CBFA2T3: variants seen among roughly 807,000 people sequenced by gnomAD.
CBFA2T3 encodes the protein transcriptional corepressor CBFA2T3.
A neutral mutation model predicts 58.6 loss-of-function variants in CBFA2T3; 31 were observed. That is an observed-to-expected ratio of 0.53 (90% CI 0.40 to 0.71). The LOEUF (loss-of-function observed/expected upper bound fraction) is 0.71. Among genes scored for constraint, CBFA2T3 ranks in the 30% least tolerant of loss-of-function variants. The probability of loss-of-function intolerance (pLI) is 0.00; values close to 1 mark genes in which losing one functional copy is unlikely to be tolerated. For synonymous variants in CBFA2T3, 531 were observed against 421.9 expected (o/e 1.26, Z -3.17); for missense variants, 1,076 against 963.1 (o/e 1.12, Z -1.55).
chr16:88,962,768 AG>A lies in CBFA2T3; in HGVS notation c.151+13888del, dbSNP rs755444737. 1.5e-4 allele frequency among the ~76,000 whole-genome samples: 23 copies of A among 152,314 alleles called. No homozygotes were observed. The East Asian group carries it at 4.4e-3, about 29-fold the overall frequency. On this transcript the variant is annotated intron_variant, in intron 1 of 11. Transcript: ENST00000268679. ...TTTAGATGTCGCCTGGTGGGAAAAC[AG>A]GGGGAGCAAAGCCTGCTGCTGCTTT...
In CBFA2T3 at chr16:88,958,833, C is replaced by G. The variant is rs1159567177; in HGVS notation, c.151+17824G>C. 1.3e-5 allele frequency among the ~76,000 whole-genome samples: 2 copies of G among 152,136 alleles called. No individual in the cohort carries two copies. Among genetic ancestry groups the G allele is most frequent in the African/African-American group, 4.8e-5 (2 of 41,438 alleles). ...GTGTGGGTCCCCCGTGGGCAGCTCT[C>G]ACACCACAGGCCTGGCTCCCTAGGG... is the stretch of plus-strand genomic sequence containing the variant. On this transcript the variant is annotated intron_variant, in intron 1 of 11. Coordinates refer to ENST00000268679, the MANE Select transcript of CBFA2T3 (RefSeq NM_005187.6). The surrounding 1 kb of genome is among the most constrained non-coding windows in gnomAD (Gnocchi z 4.0).
At position 88,901,544 on chromosome 16, in the gene CBFA2T3, G is replaced by A. The variant is rs547799051; in HGVS notation, c.264C>T (p.Ser88=). ...PSMPPPPPAA[S]QGATRPPSFT... ...AGGAGGGGGGGCGTGTGGCCCCCTG[G>A]GATGCGGCAGGCGGTGGGGGCGGCA... is the stretch of plus-strand genomic sequence containing the variant. The change falls in exon 2 of 12, where the codon TCC becomes TCT. Residue 88 remains serine (S), a synonymous_variant. Transcript: ENST00000268679. The A allele has an allele frequency of 1.4e-6, 2 of 1,476,672 alleles. No individual in the cohort carries two copies. The highest frequency in any genetic ancestry group is 1.5e-5 in the African/African-American group (1 of 67,334). The allele number at this position is 1,476,672 out of a possible 1,614,324, so 91.5% of individuals were successfully genotyped here.
Position 88,878,744 on chromosome 16 carries a change from G to A in CBFA2T3, c.1662+526C>T, listed in dbSNP as rs190014376. On this transcript the variant is annotated intron_variant, in intron 11 of 11. Transcript: ENST00000268679. Reference sequence around the variant, plus strand: ...GTGGATCACCTGAGGTCAGGAGTTCGAGACCAGCCTGGCCTACGTGGCAAA... The same window carrying A: ...GTGGATCACCTGAGGTCAGGAGTTCAAGACCAGCCTGGCCTACGTGGCAAA... Among the ~76,000 whole-genome samples the A allele has an allele frequency of 4.0e-3, 604 of 152,284 alleles. 3 individuals are homozygous for A. The highest frequency in any genetic ancestry group is 0.014 in the African/African-American group (582 of 41,562).
At chr16:88,890,299 G>T (rs1008093554) in intron 5 of CBFA2T3, among the ~76,000 whole-genome samples, 1 of 152,216 alleles carries the variant, frequency 6.6e-6, no homozygotes, top group Non-Finnish European at 1.5e-5. Flanking sequence ...CCGAAGCACA[G>T]AGGAACTGGC....
At chr16:88,949,981 C>A (rs998441100) in intron 1 of CBFA2T3, among the ~76,000 whole-genome samples, 2 of 151,816 alleles carry the variant, frequency 1.3e-5, no homozygotes, top group Non-Finnish European at 2.9e-5. Flanking sequence ...TGCACTCCAG[C>A]GTGGGTGACA....
chr16:88,880,685 A>G lies in CBFA2T3; in HGVS notation c.1471+35T>C, dbSNP rs969211739. 8 of 1,528,872 alleles carry G rather than the reference A, an allele frequency of 5.2e-6. No homozygotes were observed. The African/African-American group carries it at 1.0e-4, about 20-fold the overall frequency. The allele number at this position is 1,528,872 out of a possible 1,614,324, so 94.7% of individuals were successfully genotyped here. A position where few individuals can be genotyped will look rare whatever the true frequency, so the allele number is the denominator to read the frequency against. ...CGCATCTGGGGCCCTGGCCTCCCAC[A>G]GCTCTGCTGGCCAGGCCCCTGCACC... On this transcript the variant is annotated intron_variant, in intron 10 of 11. Coordinates refer to ENST00000268679, the MANE Select transcript of CBFA2T3 (RefSeq NM_005187.6).
In CBFA2T3 at chr16:88,951,847, C is replaced by T. The variant is rs552204918; in HGVS notation, c.151+24810G>A. Among the ~76,000 whole-genome samples the T allele has an allele frequency of 1.1e-3, 175 of 152,340 alleles. 1 individual carries two copies. The highest frequency in any genetic ancestry group is 3.7e-3 in the African/African-American group (153 of 41,580). ...CGCTGGGAAGAGAAGGTGGGCAGAGCGGCGGAGGGTGTGCTAATGGTTGGG... is the reference window on the plus strand; with the variant it reads ...CGCTGGGAAGAGAAGGTGGGCAGAGTGGCGGAGGGTGTGCTAATGGTTGGG... On this transcript the variant is annotated intron_variant, in intron 1 of 11. Coordinates refer to ENST00000268679, the MANE Select transcript of CBFA2T3 (RefSeq NM_005187.6).
At position 88,879,267 on chromosome 16, in the gene CBFA2T3, T is replaced by C; in HGVS notation, c.1662+3A>G. 1.3e-6 allele frequency: 2 copies of C among 1,586,440 alleles called. No homozygotes were observed. Among genetic ancestry groups the C allele is most frequent in the Non-Finnish European group, 1.7e-6 (2 of 1,164,102 alleles). On this transcript the variant is annotated splice_donor_region_variant and intron_variant, in intron 11 of 11. Transcript: ENST00000268679. ...GGGTGTCAGCGTGGCCGGGTGGCCCTACCTCGCTGGAGTCCTCCTGCTGGT... is the reference window on the plus strand; with the variant it reads ...GGGTGTCAGCGTGGCCGGGTGGCCCCACCTCGCTGGAGTCCTCCTGCTGGT...
At chr16:88,945,214 G>C (rs957030508) in intron 1 of CBFA2T3, among the ~76,000 whole-genome samples, 5 of 152,084 alleles carry the variant, frequency 3.3e-5, no homozygotes, top group Non-Finnish European at 7.4e-5. Context: ...GAATAAACTC[G>C]TCTTAAACAC....
At chr16:88,879,720 G>A in intron 10 of CBFA2T3, 2 of 476,444 alleles carry the variant, frequency 4.2e-6, no homozygotes, top group East Asian at 3.2e-5. Flanking sequence ...TCCCAGGCAT[G>A]TGTGTGCAAA....
In CBFA2T3 at chr16:88,876,029, A is replaced by C. The variant is rs879941372; in HGVS notation, c.*947T>G. On this transcript the variant is annotated 3_prime_UTR_variant, in exon 12 of 12. Coordinates refer to ENST00000268679, the MANE Select transcript of CBFA2T3 (RefSeq NM_005187.6). The stretch of plus-strand genomic sequence containing the variant: ...CCCAAATATCCCGACACCCACAAAC[A>C]AAATCAGAACAGAAGAGAAAAAGAC... The C allele has an allele frequency of 4.3e-6, 1 of 232,972 alleles. No individual in the cohort carries two copies. Among genetic ancestry groups the C allele is most frequent in the African/African-American group, 2.2e-5 (1 of 45,300 alleles). 14.4% of individuals were successfully genotyped at this position (232,972 alleles called of 1,614,324 possible).
intron 1 of CBFA2T3, among the ~76,000 whole-genome samples, chr16:88,933,917 G>T (rs551515288): frequency 1.3e-4 from 20 of 151,868 alleles, no homozygotes; most frequent in African/African-American, 3.9e-4. Flanking sequence ...ACCCCAGTGA[G>T]CCAAGCTGCA....
Position 88,879,628 on chromosome 16 carries a change from C to T in CBFA2T3, c.1472-168G>A, listed in dbSNP as rs893905418. The T allele has an allele frequency of 4.9e-6, 3 of 617,998 alleles. No individual in the cohort carries two copies. The African/African-American group carries it at 5.5e-5, about 11-fold the overall frequency. 38.3% of individuals were successfully genotyped at this position (617,998 alleles called of 1,614,324 possible). A position where few individuals can be genotyped will look rare whatever the true frequency, so the allele number is the denominator to read the frequency against. On this transcript the variant is annotated intron_variant, in intron 10 of 11. Transcript: ENST00000268679. ...TGATGGGGCTGTAGGCAGCTGAACA[C>T]ACGTAGCATCTGTGCACACACAGAC...
At chr16:88,932,861 C>A (rs1024841416) in intron 1 of CBFA2T3, among the ~76,000 whole-genome samples, 43 of 143,360 alleles carry the variant, frequency 3.0e-4, no homozygotes, top group African/African-American at 1.0e-3. Context: ...CCCAGCTACT[C>A]AGGAGGCTGA....
intron 1 of CBFA2T3, among the ~76,000 whole-genome samples, chr16:88,917,101 A>AGAAAAAG (rs1970763761): frequency 2.6e-5 from 4 of 151,890 alleles, no homozygotes; most frequent in Admixed American, 2.6e-4. Context: ...AAAAGAAAAA[A>AGAAAAAG]GAAAAAGGAA....
chr16:88,889,515 AG>A (rs1478037152), intron 5 of CBFA2T3, among the ~76,000 whole-genome samples: 1 of 151,938 alleles, frequency 6.6e-6, no homozygotes, highest in Non-Finnish European at 1.5e-5. Flanking sequence ...TGGGACGACC[AG>A]GGCGTTTGGA....
Position 88,976,936 on chromosome 16 carries a change from G to T in CBFA2T3, c.-129C>A. ...GCCAGCTGGGGCGTCCTGGAGTTGG[G>T]CCTCTGTCCCTGGAAAGCCGAGGCC... On this transcript the variant is annotated 5_prime_UTR_variant, in exon 1 of 12. Transcript: ENST00000268679. 4 of 1,204,900 alleles carry T rather than the reference G, an allele frequency of 3.3e-6. No individual in the cohort carries two copies. Among genetic ancestry groups the T allele is most frequent in the Non-Finnish European group, 4.5e-6 (4 of 880,090 alleles). The allele number at this position is 1,204,900 out of a possible 1,614,324, so 74.6% of individuals were successfully genotyped here.
intron 1 of CBFA2T3, among the ~76,000 whole-genome samples, chr16:88,903,424 C>T (rs1970176793): frequency 6.6e-6 from 1 of 152,144 alleles, no homozygotes. Flanking sequence ...CAGTAAACAG[C>T]CACAGGCCTC....
Position 88,975,308 on chromosome 16 carries a change from A to G in CBFA2T3, c.151+1349T>C, listed in dbSNP as rs146387844. Among the ~76,000 whole-genome samples the G allele has an allele frequency of 8.7e-4, 126 of 144,402 alleles. 3 individuals carry two copies. The East Asian group carries it at 0.024, about 28-fold the overall frequency. 94.7% of individuals were successfully genotyped at this position (144,402 alleles called of 152,430 possible). A position where few individuals can be genotyped will look rare whatever the true frequency, so the allele number is the denominator to read the frequency against. Reference sequence around the variant, plus strand: ...CCTCGCATGACTCAGGCACGGGGCCACCTCTTGGCCCTAACCTCCTTCCAC... The same window carrying G: ...CCTCGCATGACTCAGGCACGGGGCCGCCTCTTGGCCCTAACCTCCTTCCAC... On this transcript the variant is annotated intron_variant, in intron 1 of 11. Transcript: ENST00000268679.
Sources: gnomAD v4.1 joint callset for allele counts (sites outside exome capture counted in the v4.1 genomes callset) on GRCh38, gnomAD v4.1.1 for gene constraint, Gnocchi (gnomAD v3.1) non-coding constraint, MANE v1.5 for transcripts, NCBI Gene and HGNC (gene_info 2026-07-23, HGNC 2026-07-21) for gene names.